TLK2: variants seen among roughly 807,000 people sequenced by gnomAD.
TLK2 encodes serine/threonine-protein kinase tousled-like 2.
In TLK2, 6 loss-of-function variants were observed where a neutral mutation model predicts 117.3. The ratio of observed to expected loss-of-function variants is 0.05; its 90% confidence interval spans 0.03 to 0.10. The LOEUF (loss-of-function observed/expected upper bound fraction) is 0.10, where lower values mean the gene tolerates loss of function less well. Among genes scored for constraint, TLK2 ranks in the 10% least tolerant of loss-of-function variants. The pLI is 1.00. For missense variants in TLK2, 299 were observed against 901.2 expected (o/e 0.33, Z 8.56); for synonymous variants, 257 against 316.7 (o/e 0.81, Z 2.00).
chr17:62,609,829 G>A lies in TLK2; in HGVS notation c.2079+1681G>A, dbSNP rs74368157. Among the ~76,000 whole-genome samples, 1,238 of 152,294 alleles carry A rather than the reference G, an allele frequency of 8.1e-3. 12 individuals are homozygous for A. The highest frequency in any genetic ancestry group is 0.027 in the African/African-American group (1,139 of 41,568). ...AAAACATCTTCCTTAAAAGGTGTTA[G>A]TAGCTAGGTGCAGCGCTGTGCACCT... On this transcript the variant is annotated intron_variant, in intron 21 of 21. Transcript: ENST00000346027.
intron 17 of TLK2, among the ~76,000 whole-genome samples, chr17:62,599,007 A>G (rs951817307): frequency 6.6e-6 from 1 of 150,654 alleles, no homozygotes; most frequent in Non-Finnish European, 1.5e-5. Flanking sequence ...GTGCAGTGGC[A>G]TGATCTTGGC....
intron 10 of TLK2, among the ~76,000 whole-genome samples, chr17:62,562,807 C>T (rs1026136069): frequency 4.6e-5 from 7 of 152,176 alleles, no homozygotes; most frequent in African/African-American, 1.7e-4. Flanking sequence ...CCTCTCCTGG[C>T]ATTTACCCAA....
chr17:62,524,365 T>A, intron 6 of TLK2, 34 bp downstream of exon 6: 1 of 1,581,850 alleles, frequency 6.3e-7, no homozygotes, highest in Non-Finnish European at 8.6e-7. Flanking sequence ...TGACACCTGT[T>A]GTAGGAGACA....
intron 7 of TLK2, among the ~76,000 whole-genome samples, chr17:62,551,346 T>C (rs1323256107): frequency 1.3e-5 from 2 of 152,224 alleles, no homozygotes; most frequent in Non-Finnish European, 2.9e-5. Flanking sequence ...CTCAGAATAT[T>C]GAATATTTTC....
intron 6 of TLK2, among the ~76,000 whole-genome samples, chr17:62,533,102 C>T (rs2076852995): frequency 6.6e-6 from 1 of 151,764 alleles, no homozygotes; most frequent in African/African-American, 2.4e-5. Context: ...GCATATGTCT[C>T]TTTTGAAATA....
intron 15 of TLK2, among the ~76,000 whole-genome samples, chr17:62,581,489 A>G (rs142640540): frequency 0.022 from 3,189 of 147,940 alleles, 50 homozygotes; most frequent in Non-Finnish European, 0.031. Flanking sequence ...CCCAGGCTAG[A>G]GTGCAGCAGT....
chr17:62,548,603 A>G (rs1184213345), intron 7 of TLK2, among the ~76,000 whole-genome samples: 1 of 151,838 alleles, frequency 6.6e-6, no homozygotes, highest in African/African-American at 2.4e-5. Context: ...TAATTTAGAA[A>G]TATCTCACTA....
At chr17:62,605,498 A>C (rs942702417) in intron 19 of TLK2, among the ~76,000 whole-genome samples, 1 of 151,880 alleles carries the variant, frequency 6.6e-6, no homozygotes, top group East Asian at 1.9e-4. Flanking sequence ...TCAGCTTCCC[A>C]AGCAGCTGGA....
intron 2 of TLK2, among the ~76,000 whole-genome samples, chr17:62,501,162 T>C (rs1353018436): frequency 6.6e-6 from 1 of 152,016 alleles, no homozygotes; most frequent in Non-Finnish European, 1.5e-5. Context: ...GGTGTGAACC[T>C]GGGAGGTGGA....
chr17:62,588,001 C>T (rs952835764), intron 16 of TLK2, among the ~76,000 whole-genome samples: 3 of 144,240 alleles, frequency 2.1e-5, no homozygotes, highest in Non-Finnish European at 4.5e-5. Flanking sequence ...ATAAAATATA[C>T]GTATACATCT....
rs1234159539 is a variant in TLK2 at position 62,612,435 on chromosome 17, T to A, written c.2123T>A (p.Ile708Asn). Residue 708 changes from isoleucine (I) to asparagine (N), a missense_variant, in exon 22 of 22, where the codon ATT (isoleucine) becomes AAT (asparagine). Physicochemically the swap from Ile to Asn is moderately radical, Grantham distance 149. Transcript: ENST00000346027. ...RCLAYRKEDR[I>N]DVQQLACDPY... is the part of the protein sequence containing the mutation. ...TTGGCCTACCGAAAGGAGGACCGCA[T>A]TGATGTCCAGCAGCTGGCCTGTGAT... The A allele has an allele frequency of 6.2e-7, 1 of 1,614,098 alleles. No individual in the cohort carries two copies. The highest frequency in any genetic ancestry group is 8.5e-7 in the Non-Finnish European group (1 of 1,180,036).
chr17:62,487,546 A>T (rs2072564085), intron 2 of TLK2, among the ~76,000 whole-genome samples: 1 of 151,284 alleles, frequency 6.6e-6, no homozygotes, highest in Non-Finnish European at 1.5e-5. Flanking sequence ...GTAAGTCAGC[A>T]AGGAGATATC....
chr17:62,493,789 G>C (rs1299641747), intron 2 of TLK2, among the ~76,000 whole-genome samples: 1 of 151,496 alleles, frequency 6.6e-6, no homozygotes, highest in Non-Finnish European at 1.5e-5. Flanking sequence ...ATGGAGTCTT[G>C]CTCTGTCACC....
chr17:62,476,803 C>T (rs563286153), upstream of TLK2, among the ~76,000 whole-genome samples: 1 of 151,806 alleles, frequency 6.6e-6, no homozygotes, highest in South Asian at 2.1e-4. Flanking sequence ...GTCATTTGGT[C>T]GAGTGCGGTG....
chr17:62,526,262 A>C (rs2076360666), intron 6 of TLK2, among the ~76,000 whole-genome samples: 1 of 152,244 alleles, frequency 6.6e-6, no homozygotes, highest in Non-Finnish European at 1.5e-5. Flanking sequence ...TGATCTGGTC[A>C]TGAGCACTGG....
At chr17:62,525,821 T>C (rs1443893359) in intron 6 of TLK2, among the ~76,000 whole-genome samples, 2 of 152,256 alleles carry the variant, frequency 1.3e-5, no homozygotes, top group Non-Finnish European at 2.9e-5. Flanking sequence ...GGTTGAGGTT[T>C]GTTAGTTAAC....
chr17:62,516,217 G>A (rs987117651), intron 2 of TLK2: 4 of 697,652 alleles, frequency 5.7e-6, no homozygotes, highest in African/African-American at 1.8e-5. Context: ...GAGTCACCGC[G>A]CCCGGCTCTC....
At chr17:62,549,419 A>AAAAAAAAAAAAAAAAAAT (rs2078240622) in intron 7 of TLK2, among the ~76,000 whole-genome samples, 4 of 7,746 alleles carry the variant, frequency 5.2e-4, no homozygotes, top group Non-Finnish European at 9.6e-4. Flanking sequence ...AAAAAAAAAA[A>AAAAAAAAAAAAAAAAAAT]AAAAAAAAAA....
intron 9 of TLK2, 89 bp from the exon 10 acceptor site, chr17:62,559,927 T>C (rs1196129870): frequency 4.4e-6 from 4 of 903,684 alleles, no homozygotes; most frequent in East Asian, 2.7e-5. Context: ...AAACAACATA[T>C]AGAAATGATT....
Sources: gnomAD v4.1 joint callset for allele counts (sites outside exome capture counted in the v4.1 genomes callset) on GRCh38, gnomAD v4.1.1 for gene constraint, MANE v1.5 for transcripts, NCBI Gene and HGNC (gene_info 2026-07-23, HGNC 2026-07-21) for gene names.